Variants in TTN observed in about 807,000 individuals in gnomAD.
TTN encodes connectin.
Under a neutral mutation model 3,223.0 loss-of-function variants are expected in TTN, and 1,525 were observed. The observed-to-expected ratio is 0.47, with a 90% confidence interval of 0.45 to 0.49. The LOEUF is 0.49. Ranked by LOEUF, TTN falls within the 20% of genes least tolerant of loss-of-function variation. The pLI is 0.00. For missense variants in TTN, 40,786 were observed against 43,424.0 expected, an observed-to-expected ratio of 0.94 and a Z score of 5.40; for synonymous variants, 14,094 against 15,161.0, an observed-to-expected ratio of 0.93 and a Z score of 5.17.
Position 178,571,438 on chromosome 2 carries a change from C to T in TTN, c.74694G>A (p.Glu24898=). 6.2e-7 allele frequency: 1 copy of T among 1,613,408 alleles called. No individual in the cohort carries two copies. Among genetic ancestry groups the T allele is most frequent in the Non-Finnish European group, 8.5e-7 (1 of 1,179,572 alleles). The part of the protein sequence containing the change: ...RYGKSTYLNS[E]PTVAQYPFKV... ...TGAATGGATATTGGGCTACAGTAGG[C>T]TCTGAATTGAGGTAGGTACTCTTCC... Residue 24898 remains glutamate, a synonymous_variant, in exon 326 of 363, where the codon GAG becomes GAA. Transcript: ENST00000589042.
intron 242 of TTN, among the ~76,000 whole-genome samples, chr2:178,624,011 T>TG (rs1460981639): frequency 2.6e-5 from 4 of 151,968 alleles, no homozygotes; most frequent in Admixed American, 2.0e-4. Context: ...AGTATGCTCC[T>TG]ATTCAGACTG....
chr2:178,596,140 G>C, intron 294 of TTN, among the ~76,000 whole-genome samples: 1 of 151,868 alleles, frequency 6.6e-6, no homozygotes, highest in Non-Finnish European at 1.5e-5. Context: ...ACAGGCATGT[G>C]CCACCATACC....
rs1430427636 is a variant in TTN, at chr2:178,591,760, C to T, written c.60059G>A (p.Gly20020Asp). The change falls in exon 303 of 363, where the codon GGC (glycine) becomes GAC (aspartate). Residue 20020 changes from glycine to aspartate, a missense_variant. Coordinates refer to ENST00000589042, the MANE Select transcript of TTN (RefSeq NM_001267550.2). ...CTTAAATTTAATCCAGTCCTGGGTGCCTTCTTCTTGATATTCTACCAAATA... is the reference window on the plus strand; with the variant it reads ...CTTAAATTTAATCCAGTCCTGGGTGTCTTCTTCTTGATATTCTACCAAATA... ...TGYLVEYQEE[G>D]TQDWIKFKTV... 6 of 1,613,140 alleles carry T rather than the reference C, an allele frequency of 3.7e-6. No individual in the cohort carries two copies. Among genetic ancestry groups the T allele is most frequent in the Admixed American group, 1.7e-5 (1 of 59,928 alleles).
rs371987003 is a variant in TTN at position 178,618,756 on chromosome 2, T to G, written c.46794A>C (p.Glu15598Asp). 9.9e-6 allele frequency: 16 copies of G among 1,611,642 alleles called. No individual in the cohort carries two copies. Among genetic ancestry groups the G allele is most frequent in the Non-Finnish European group, 1.4e-5 (16 of 1,178,784 alleles). Reference protein sequence around the residue: ...VVPYDAYPKAEAEWFKENEPL... With the variant: ...VVPYDAYPKADAEWFKENEPL... ...GTTCATTTTCTTTAAACCATTCAGC[T>G]TCTGCTTTGGGGTAGGCATCATATG... The change falls in exon 251 of 363, where the codon GAA becomes GAC. Residue 15598 changes from glutamate to aspartate, a missense_variant. Coordinates refer to ENST00000589042, the MANE Select transcript of TTN (RefSeq NM_001267550.2).
intron 270 of TTN, 24 bp downstream of exon 270, chr2:178,610,969 G>T (rs1389162453): frequency 3.1e-6 from 5 of 1,608,542 alleles, no homozygotes; most frequent in African/African-American, 2.7e-5. Flanking sequence ...AAGAATGTCT[G>T]GTTTTTCTTC....
chr2:178,660,694 A>G (rs1210785731), intron 180 of TTN, among the ~76,000 whole-genome samples: 2 of 152,306 alleles, frequency 1.3e-5, no homozygotes, highest in African/African-American at 4.8e-5. Context: ...GAATTAAACT[A>G]AAGAGCTTCT....
At chr2:178,582,838 A>G in intron 313 of TTN, 102 bp downstream of exon 313, 3 of 1,076,310 alleles carry the variant, frequency 2.8e-6, no homozygotes. Flanking sequence ...TAGGAAATAC[A>G]CATTAGAATA....
chr2:178,726,146 T>C, intron 69 of TTN, 100 bp from the exon 70 acceptor site: 3 of 1,369,558 alleles, frequency 2.2e-6, no homozygotes, highest in Non-Finnish European at 2.9e-6. Flanking sequence ...TAAGATATTC[T>C]AATGGGTAAG....
intron 261 of TTN, 25 bp downstream of exon 261, chr2:178,614,441 C>T (rs759145610): frequency 1.9e-6 from 3 of 1,583,428 alleles, no homozygotes; most frequent in South Asian, 2.3e-5. Flanking sequence ...AGTTTATCCC[C>T]TTTTAAAATG....
In TTN at chr2:178,618,358, C is replaced by G. The variant is rs752235858; in HGVS notation, c.47100G>C (p.Lys15700Asn). 6 of 1,612,464 alleles carry G rather than the reference C, an allele frequency of 3.7e-6. No homozygotes were observed. In the East Asian group the frequency reaches 6.7e-5, roughly 18 times the overall value. The change falls in exon 252 of 363, where the codon AAG (lysine) becomes AAC (asparagine). Residue 15700 changes from lysine (K) to asparagine (N), a missense_variant. Physicochemically the swap from Lys to Asn is moderately conservative, Grantham distance 94. Transcript: ENST00000589042. ...CTGTGGCCAGAACCCAGGTCTTTCTCTTAATGTCACGTCTTTCAACAACGT... is the reference window on the plus strand; with the variant it reads ...CTGTGGCCAGAACCCAGGTCTTTCTGTTAATGTCACGTCTTTCAACAACGT... ...IGYVVERRDI[K>N]RKTWVLATDR...
At chr2:178,629,153 T>G (rs1289556938) in intron 240 of TTN, 148 bp downstream of exon 240, 1 of 1,132,478 alleles carries the variant, frequency 8.8e-7, no homozygotes, top group Non-Finnish European at 1.2e-6. Context: ...GGCTTTACAG[T>G]TTCAGCAGAA....
At chr2:178,643,294 C>T (rs893937979) in intron 218 of TTN, among the ~76,000 whole-genome samples, 17 of 151,890 alleles carry the variant, frequency 1.1e-4, no homozygotes, top group Admixed American at 1.3e-4. Flanking sequence ...ATAAAGATAA[C>T]TGCTTAACTC....
rs746136883 is a variant in TTN, at chr2:178,722,466, G to A, written c.22321C>T (p.Arg7441Ter). Residue 7441 changes from arginine (R) to a stop codon, truncating the protein, a stop_gained, in exon 77 of 363, where the codon CGA becomes TGA. Transcript: ENST00000589042. LOFTEE classifies it high-confidence loss of function. ...TGGATGGGTGCAGAGCCATTTAATC[G>A]ACAAGTGAGTGTAACAGGTAACCCC... Reference protein sequence around the residue: ...TVGLPVTLTCRLNGSAPIQVC... With the variant: ...TVGLPVTLTC The A allele has an allele frequency of 1.9e-6, 3 of 1,613,338 alleles. No homozygotes were observed. Among genetic ancestry groups the A allele is most frequent in the Admixed American group, 1.7e-5 (1 of 59,986 alleles).
chr2:178,576,011 G>T lies in TTN; in HGVS notation c.70121C>A (p.Pro23374His). Reference sequence around the variant, plus strand: ...GTTATCTTTGGTCCATGTCACTTCAGGAGCAGGACGACCTTTAATTGGCAC... The same window carrying T: ...GTTATCTTTGGTCCATGTCACTTCATGAGCAGGACGACCTTTAATTGGCAC... ...IFVPIKGRPAPEVTWTKDNIN... is the reference protein window; with the variant it reads ...IFVPIKGRPAHEVTWTKDNIN... The change falls in exon 326 of 363, where the codon CCT becomes CAT. Residue 23374 changes from proline (P) to histidine (H), a missense_variant. Pro to His is a moderately conservative substitution (Grantham distance 77, BLOSUM62 -2). Coordinates refer to ENST00000589042, the MANE Select transcript of TTN (RefSeq NM_001267550.2). The surrounding 1 kb of genome is among the most constrained non-coding windows in gnomAD (Gnocchi z 4.3). 3 of 1,612,572 alleles carry T rather than the reference G, an allele frequency of 1.9e-6. No individual in the cohort carries two copies. Among genetic ancestry groups the T allele is most frequent in the Non-Finnish European group, 2.5e-6 (3 of 1,178,928 alleles).
rs767559716 is a variant in TTN at position 178,607,503 on chromosome 2, G to C, written c.53185C>G (p.Leu17729Val). The change falls in exon 277 of 363, where the codon CTA becomes GTA. Residue 17729 changes from leucine (L) to valine (V), a missense_variant. Leu to Val is a conservative substitution (Grantham distance 32). Transcript: ENST00000589042. The stretch of plus-strand genomic sequence containing the variant: ...TTTCGCAGTGCATCCTTGATAATTA[G>C]TTCAGATTTGGTTCCAACGTTGTCT... ...VIDNVGTKSE[L>V]IIKDALRKDH... 1 of 1,613,204 alleles carries C rather than the reference G, an allele frequency of 6.2e-7. No homozygotes were observed. The highest frequency in any genetic ancestry group is 1.7e-5 in the Admixed American group (1 of 59,974).
In TTN at chr2:178,680,057, T is replaced by G. The variant is rs756841034; in HGVS notation, c.33419-2A>C. On this transcript the variant is annotated splice_acceptor_variant, in intron 139 of 362. Coordinates refer to ENST00000589042, the MANE Select transcript of TTN (RefSeq NM_001267550.2). LOFTEE classifies it high-confidence loss of function. ...CAAGTTCTTTAGGCACTTCTGGCAC[T>G]TTAAAGATATTATCTTTAAGTTGGA... 3 of 1,611,478 alleles carry G rather than the reference T, an allele frequency of 1.9e-6. No homozygotes were observed. The African/African-American group carries it at 4.0e-5, about 22-fold the overall frequency.
chr2:178,717,216 C>A lies in TTN; in HGVS notation c.25518G>T (p.Leu8506Phe), dbSNP rs748617903. Residue 8506 changes from leucine to phenylalanine, a missense_variant, in exon 88 of 363, where the codon TTG (leucine) becomes TTT (phenylalanine). Coordinates refer to ENST00000589042, the MANE Select transcript of TTN (RefSeq NM_001267550.2). ...IRPGGNYKMT[L>F]VENTATLTVL... ...CTGTCAGAGTGGCAGTATTTTCTAC[C>A]AAAGTCATCTTGTAGTTGCCTCCAG... 1.2e-6 allele frequency: 2 copies of A among 1,613,630 alleles called. No homozygotes were observed. Among genetic ancestry groups the A allele is most frequent in the East Asian group, 2.2e-5 (1 of 44,874 alleles).
At position 178,729,466 on chromosome 2, in the gene TTN, G is replaced by A. The variant is rs754536598; in HGVS notation, c.18690C>T (p.Val6230=). 1 of 1,613,584 alleles carries A rather than the reference G, an allele frequency of 6.2e-7. No homozygotes were observed. The highest frequency in any genetic ancestry group is 2.2e-5 in the East Asian group (1 of 44,864). ...TTTCCCTGTTATTCTTCAGCCAAGT[G>A]ACTTCAAACGGAGGTGTTCCCGTAA... The part of the protein sequence containing the change: ...CEVTGTPPFE[V]TWLKNNREIR... The change falls in exon 64 of 363, where the codon GTC becomes GTT. Residue 6230 remains valine, a synonymous_variant. Transcript: ENST00000589042.
chr2:178,575,715 C>G lies in TTN; in HGVS notation c.70417G>C (p.Glu23473Gln). 1 of 1,613,562 alleles carries G rather than the reference C, an allele frequency of 6.2e-7. No individual in the cohort carries two copies. Among genetic ancestry groups the G allele is most frequent in the Non-Finnish European group, 8.5e-7 (1 of 1,179,650 alleles). ...GATTTCCGTGTTGCTTCACGTTTCT[C>G]TACAATGTAGTTTGTTATACGTGAG... ...GGSRITNYIVEKREATRKSYS... is the reference protein window; with the variant it reads ...GGSRITNYIVQKREATRKSYS... Residue 23473 changes from glutamate (E) to glutamine (Q), a missense_variant, in exon 326 of 363, where the codon GAG becomes CAG. Physicochemically the swap from Glu to Gln is conservative, Grantham distance 29 (BLOSUM62 2). Transcript: ENST00000589042. This position sits in a 1 kb window ranked among gnomAD's most constrained non-coding sequence, Gnocchi z 4.0.
Sources: gnomAD v4.1 joint callset for allele counts (sites outside exome capture counted in the v4.1 genomes callset) on GRCh38, gnomAD v4.1.1 for gene constraint, Gnocchi (gnomAD v3.1) non-coding constraint, MANE v1.5 for transcripts, NCBI Gene and HGNC (gene_info 2026-07-23, HGNC 2026-07-21) for gene names.